Variants in SLC10A7 observed in about 807,000 individuals in gnomAD.
SLC10A7 encodes sodium/bile acid cotransporter 7.
SLC10A7 carries 29 observed loss-of-function variants against 43.2 expected under a neutral mutation model. The observed-to-expected ratio is 0.67, with a 90% CI of 0.50 to 0.92. The LOEUF is 0.92. SLC10A7 is among the 40% of genes least tolerant of loss of function. The pLI is 0.00. For synonymous variants in SLC10A7, 152 were observed against 144.8 expected (o/e 1.05, Z -0.35); for missense variants, 295 against 403.2 (o/e 0.73, Z 2.30).
At chr4:146,325,188 G>C (rs1053363216) in intron 6 of SLC10A7, among the ~76,000 whole-genome samples, 1 of 152,222 alleles carries the variant, frequency 6.6e-6, no homozygotes, top group Non-Finnish European at 1.5e-5. Context: ...ACATTTCAGT[G>C]ATAAGCAGAG....
At chr4:146,464,805 T>G (rs990363901) in intron 4 of SLC10A7, among the ~76,000 whole-genome samples, 2 of 152,132 alleles carry the variant, frequency 1.3e-5, no homozygotes, top group Non-Finnish European at 2.9e-5. Flanking sequence ...GCAAAATAGA[T>G]GACGGTTTAA....
chr4:146,442,728 A>G (rs1455302897), intron 5 of SLC10A7, 55 bp downstream of exon 5: 1 of 1,585,710 alleles, frequency 6.3e-7, no homozygotes, highest in Admixed American at 1.9e-5. Context: ...AATCTTTCAT[A>G]TACACAATAT....
intron 5 of SLC10A7, among the ~76,000 whole-genome samples, chr4:146,418,044 T>C (rs1180233684): frequency 1.3e-5 from 2 of 151,792 alleles, no homozygotes; most frequent in East Asian, 1.9e-4. Flanking sequence ...ATGATGATAA[T>C]GATCCACAGA....
chr4:146,351,032 G>C (rs1735053482), intron 5 of SLC10A7, among the ~76,000 whole-genome samples: 1 of 151,286 alleles, frequency 6.6e-6, no homozygotes, highest in Non-Finnish European at 1.5e-5. Flanking sequence ...GCTGGATGGA[G>C]AATGATTTTG....
At chr4:146,420,403 A>G (rs2149846636) in intron 5 of SLC10A7, among the ~76,000 whole-genome samples, 1 of 152,300 alleles carries the variant, frequency 6.6e-6, no homozygotes, top group African/African-American at 2.4e-5. Flanking sequence ...CTTTCATGAA[A>G]AACTTGGTCA....
chr4:146,293,925 C>G lies in SLC10A7; in HGVS notation c.721+5G>C. On this transcript the variant is annotated splice_donor_5th_base_variant and intron_variant, in intron 8 of 11. Transcript: ENST00000335472. ...ATAGCCAGGCTATCCCATTTTCCAA[C>G]TTACTTATGAACAGTATGAGAACAA... is the stretch of plus-strand genomic sequence containing the variant. 2 of 1,601,106 alleles carry G rather than the reference C, an allele frequency of 1.2e-6. No homozygotes were observed. The highest frequency in any genetic ancestry group is 1.1e-5 in the South Asian group (1 of 88,504).
At chr4:146,403,375 C>T (rs531645330) in intron 5 of SLC10A7, among the ~76,000 whole-genome samples, 4 of 152,236 alleles carry the variant, frequency 2.6e-5, no homozygotes, top group African/African-American at 9.6e-5. Context: ...CATGGAGTTT[C>T]CATTTTTCCC....
chr4:146,521,525 C>T (rs1246702862), intron 1 of SLC10A7, 93 bp downstream of exon 1: 6 of 1,044,298 alleles, frequency 5.7e-6, no homozygotes, highest in Non-Finnish European at 8.5e-6. Context: ...AATTGGCAAG[C>T]GCTTGCAATG....
chr4:146,307,177 G>C (rs1192406873), intron 6 of SLC10A7, among the ~76,000 whole-genome samples: 2 of 152,044 alleles, frequency 1.3e-5, no homozygotes, highest in African/African-American at 4.8e-5. Flanking sequence ...CTGTCCCCCA[G>C]CTCCAGCCCC....
rs931144370 is a variant in SLC10A7, at chr4:146,256,243, ATTCC to A, written c.*244_*247del. The A allele has an allele frequency of 1.9e-6, 1 of 527,026 alleles. No individual in the cohort carries two copies. The highest frequency in any genetic ancestry group is 1.9e-5 in the African/African-American group (1 of 51,918). 32.6% of individuals were successfully genotyped at this position (527,026 alleles called of 1,614,324 possible). A position where few individuals can be genotyped will look rare whatever the true frequency, so the allele number is the denominator to read the frequency against. On this transcript the variant is annotated 3_prime_UTR_variant, in exon 12 of 12. Transcript: ENST00000335472. ...TGCTTTTTGTCACTTACCATGACTGATTCCTGCATTAGGAAAGCAAAATTAACCC... is the reference window on the plus strand; with the variant it reads ...TGCTTTTTGTCACTTACCATGACTGATGCATTAGGAAAGCAAAATTAACCC...
At chr4:146,431,151 G>A (rs1012935334) in intron 5 of SLC10A7, among the ~76,000 whole-genome samples, 2 of 151,996 alleles carry the variant, frequency 1.3e-5, no homozygotes, top group South Asian at 2.1e-4. Flanking sequence ...AAGTAATTGC[G>A]TTAATGTCAT....
At chr4:146,517,749 T>C (rs779337538) in intron 1 of SLC10A7, among the ~76,000 whole-genome samples, 23 of 152,298 alleles carry the variant, frequency 1.5e-4, no homozygotes, top group Middle Eastern at 3.4e-3. Flanking sequence ...TCAGCACTTA[T>C]ATAACAATCA....
Position 146,517,075 on chromosome 4 carries a change from G to T in SLC10A7, c.146C>A (p.Thr49Lys). 1 of 1,610,516 alleles carries T rather than the reference G, an allele frequency of 6.2e-7. No individual in the cohort carries two copies. Among genetic ancestry groups the T allele is most frequent in the Non-Finnish European group, 8.5e-7 (1 of 1,177,522 alleles). The stretch of plus-strand genomic sequence containing the variant: ...TGATAGTCCACTGTTAAAGAATATT[G>T]TTGCAACAGCAATGTAGGATACAGT... ...EITVSYIAVATIFFNSGLSLK... is the reference protein window; with the variant it reads ...EITVSYIAVAKIFFNSGLSLK... The change falls in exon 2 of 12, where the codon ACA (threonine) becomes AAA (lysine). Residue 49 changes from threonine to lysine, a missense_variant. Physicochemically the swap from Thr to Lys is moderately conservative, Grantham distance 78. This residue lies in a region of SLC10A7 where 242 missense variants were observed against 362.5 expected (regional missense o/e 0.67). Coordinates refer to ENST00000335472, the MANE Select transcript of SLC10A7 (RefSeq NM_001029998.6).
At chr4:146,287,103 C>CCAGTCTG (rs1238817627) in intron 9 of SLC10A7, among the ~76,000 whole-genome samples, 5 of 108,800 alleles carry the variant, frequency 4.6e-5, no homozygotes, top group Non-Finnish European at 9.6e-5. Context: ...TGAGAAGGAC[C>CCAGTCTG]GAGTCTGGAG....
intron 4 of SLC10A7, among the ~76,000 whole-genome samples, chr4:146,483,964 C>A (rs778922309): frequency 5.3e-5 from 8 of 152,038 alleles, no homozygotes; most frequent in Non-Finnish European, 1.0e-4. Flanking sequence ...AACAATGGAG[C>A]CTCTAAATAT....
chr4:146,269,213 A>G (rs1440129454), intron 10 of SLC10A7, among the ~76,000 whole-genome samples: 1 of 152,244 alleles, frequency 6.6e-6, no homozygotes, highest in Non-Finnish European at 1.5e-5. Context: ...GAATGGCCTG[A>G]GCCGACTCAC....
intron 5 of SLC10A7, among the ~76,000 whole-genome samples, chr4:146,372,453 CAA>C (rs3042366): frequency 0.078 from 9,118 of 117,088 alleles, 252 homozygotes; most frequent in Middle Eastern, 0.13. Context: ...AACCCTGTTT[CAA>C]AAAAAAAAAA....
chr4:146,487,071 T>A (rs1734981658), intron 4 of SLC10A7, among the ~76,000 whole-genome samples: 2 of 152,170 alleles, frequency 1.3e-5, no homozygotes, highest in Non-Finnish European at 2.9e-5. Context: ...GTCCCCAGAA[T>A]AAAATCTATA....
chr4:146,382,898 T>C (rs1737732044), intron 5 of SLC10A7, among the ~76,000 whole-genome samples: 1 of 151,892 alleles, frequency 6.6e-6, no homozygotes, highest in Non-Finnish European at 1.5e-5. Context: ...TATCTTGAGA[T>C]AGAATTATAT....
Sources: allele counts gnomAD v4.1 joint callset (sites outside exome capture counted in the v4.1 genomes callset), GRCh38; gene constraint gnomAD v4.1.1; regional missense constraint gnomAD v4.1.1; transcripts MANE v1.5; gene names NCBI Gene and HGNC (gene_info 2026-07-23, HGNC 2026-07-21).